Variants in NDUFAF6 observed in about 807,000 individuals in gnomAD.
NDUFAF6 encodes NADH dehydrogenase (ubiquinone) complex I, assembly factor 6.
In NDUFAF6, 45 loss-of-function variants were observed where a neutral mutation model predicts 40.8. The ratio of observed to expected loss-of-function variants is 1.10; its 90% CI spans 0.87 to 1.42. The LOEUF is 1.42. NDUFAF6 is among the 40% of genes most tolerant of loss of function. The probability of loss-of-function intolerance (pLI) is 0.00; values close to 1 mark genes in which losing one functional copy is unlikely to be tolerated. For synonymous variants in NDUFAF6, 185 were observed against 155.9 expected (o/e 1.19, Z -1.39); for missense variants, 435 against 418.5 (o/e 1.04, Z -0.34).
At chr8:94,953,390 G>T (rs1003565504), upstream of NDUFAF6, among the ~76,000 whole-genome samples, 5 of 151,874 alleles carry the variant, frequency 3.3e-5, no homozygotes, top group African/African-American at 1.2e-4. Context: ...CAGAAAGCAA[G>T]GTCATCCCTT....
exon 2 of NDUFAF6, chr8:94,980,933 A>G: frequency 2.2e-6 from 1 of 456,758 alleles, no homozygotes; most frequent in South Asian, 1.5e-5. Context: ...ACCCAGGCCT[A>G]TGCCAATCAG....
chr8:94,951,939 A>G (rs553845517), intron 2 of NDUFAF6, among the ~76,000 whole-genome samples: 1 of 152,224 alleles, frequency 6.6e-6, no homozygotes, highest in Non-Finnish European at 1.5e-5. Context: ...TCATCTGTTC[A>G]CTGACAAAGA....
At chr8:95,003,071 T>C (rs1403491779) in intron 2 of NDUFAF6, among the ~76,000 whole-genome samples, 1 of 152,182 alleles carries the variant, frequency 6.6e-6, no homozygotes. Flanking sequence ...GCTTGTAGGC[T>C]CAGCTTTGGT....
At position 94,922,799 on chromosome 8, in the gene NDUFAF6, T is replaced by A. The variant is rs1217605698; in HGVS notation, c.-935-22684T>A. Among the ~76,000 whole-genome samples, 4 of 152,178 alleles carry A rather than the reference T, an allele frequency of 2.6e-5. 1 individual carries two copies. The highest frequency in any genetic ancestry group is 2.6e-4 in the Admixed American group (4 of 15,270). Reference sequence around the variant, plus strand: ...GGCTGAATCTGCATTTTTAACAGGATCCCCCAGATGATTTGTTTGCATTTT... The same window carrying A: ...GGCTGAATCTGCATTTTTAACAGGAACCCCCAGATGATTTGTTTGCATTTT... On this transcript the variant is annotated intron_variant, in intron 1 of 14. Transcript: ENST00000396113.
upstream of NDUFAF6, among the ~76,000 whole-genome samples, chr8:94,957,070 G>C (rs1225163227): frequency 2.6e-5 from 4 of 152,190 alleles, no homozygotes; most frequent in African/African-American, 2.4e-5. Context: ...TGCACGGGAG[G>C]CTGAGGCAGG....
At chr8:95,073,467 C>T (rs1419901224) in intron 9 of NDUFAF6, among the ~76,000 whole-genome samples, 1 of 151,998 alleles carries the variant, frequency 6.6e-6, no homozygotes, top group Admixed American at 6.5e-5. Flanking sequence ...GGTGCGCTCC[C>T]CAGGGAATAT....
chr8:94,948,912 C>T (rs1822275904), intron 2 of NDUFAF6, among the ~76,000 whole-genome samples: 1 of 151,574 alleles, frequency 6.6e-6, no homozygotes, highest in African/African-American at 2.4e-5. Flanking sequence ...GCCGCCGCCT[C>T]TGTCAGCCTC....
upstream of NDUFAF6, among the ~76,000 whole-genome samples, chr8:94,953,780 C>T (rs1189020884): frequency 6.7e-6 from 1 of 149,566 alleles, no homozygotes; most frequent in Non-Finnish European, 1.5e-5. Context: ...AAATAATCTA[C>T]CTATTTAAGG....
intron 2 of NDUFAF6, among the ~76,000 whole-genome samples, chr8:95,082,525 T>C (rs1326506136): frequency 6.6e-6 from 1 of 151,054 alleles, no homozygotes; most frequent in Non-Finnish European, 1.5e-5. Context: ...ATACCTAGAA[T>C]TTATGAAAAT....
At chr8:95,071,705 A>C (rs563927146) in intron 9 of NDUFAF6, 1 of 152,368 alleles carries the variant, frequency 6.6e-6, no homozygotes, top group South Asian at 2.1e-4. Flanking sequence ...TCATTAGGTA[A>C]CAATTTGGAT....
chr8:94,965,882 G>A (rs1446123568), intron 1 of NDUFAF6, among the ~76,000 whole-genome samples: 5 of 151,854 alleles, frequency 3.3e-5, no homozygotes, highest in Admixed American at 2.0e-4. Context: ...GATATTTTTT[G>A]TCATAAAAAC....
chr8:94,910,298 A>C (rs530457449), intron 1 of NDUFAF6, among the ~76,000 whole-genome samples: 8 of 152,096 alleles, frequency 5.3e-5, no homozygotes, highest in Non-Finnish European at 1.0e-4. Flanking sequence ...GATTACAGGC[A>C]TGTGCCACCA....
intron 1 of NDUFAF6, among the ~76,000 whole-genome samples, chr8:94,931,826 G>T (rs1820431968): frequency 6.6e-6 from 1 of 151,998 alleles, no homozygotes; most frequent in African/African-American, 2.4e-5. Flanking sequence ...ACAAAAATTA[G>T]CCAGGTGTGG....
chr8:95,116,099 C>T (rs1320211990), intron 5 of NDUFAF6, among the ~76,000 whole-genome samples: 11 of 152,088 alleles, frequency 7.2e-5, no homozygotes, highest in African/African-American at 2.7e-4. Context: ...GATCGCGCCA[C>T]TGCACTCCAG....
intron 1 of NDUFAF6, among the ~76,000 whole-genome samples, chr8:94,942,469 C>CT (rs912602918): frequency 1.3e-5 from 2 of 152,210 alleles, no homozygotes; most frequent in Non-Finnish European, 2.9e-5. Context: ...ACTGTTGTCT[C>CT]TGAGACTTTG....
chr8:94,940,918 C>T (rs1821468846), intron 1 of NDUFAF6: 25 of 1,613,806 alleles, frequency 1.5e-5, no homozygotes, highest in Non-Finnish European at 2.0e-5. Context: ...CACCCACAAA[C>T]ATTTTATTCA....
chr8:94,974,091 G>T (rs1172532542), intron 1 of NDUFAF6, among the ~76,000 whole-genome samples: 1 of 152,080 alleles, frequency 6.6e-6, no homozygotes, highest in Non-Finnish European at 1.5e-5. Context: ...GTTAGAGCAG[G>T]AACATCATAC....
intron 1 of NDUFAF6, chr8:94,896,482 G>C (rs927038223): frequency 2.0e-5 from 3 of 152,256 alleles, no homozygotes; most frequent in Admixed American, 6.5e-5. Flanking sequence ...AGTCAGACTT[G>C]CGGCGGGTAT....
chr8:95,103,906 C>T (rs922668277), downstream of NDUFAF6, among the ~76,000 whole-genome samples: 1 of 152,210 alleles, frequency 6.6e-6, no homozygotes, highest in East Asian at 1.9e-4. Flanking sequence ...AGGCTGTGAT[C>T]AACCAGGGCT....
Sources: gnomAD v4.1 joint callset for allele counts (sites outside exome capture counted in the v4.1 genomes callset) on GRCh38, gnomAD v4.1.1 for gene constraint, MANE v1.5 for transcripts, NCBI Gene and HGNC (gene_info 2026-07-23, HGNC 2026-07-21) for gene names.